Variants in ASPH observed in about 807,000 individuals in gnomAD.
ASPH encodes the protein aspartyl/asparaginyl beta-hydroxylase.
A neutral mutation model predicts 118.4 loss-of-function variants in ASPH; 100 were observed. The observed-to-expected ratio is 0.84, with a 90% confidence interval of 0.72 to 1.00. ASPH has a LOEUF of 1.00. Ranked by LOEUF, ASPH falls within the 50% of genes least tolerant of loss-of-function variation. The probability of loss-of-function intolerance (pLI) is 0.00; values close to 1 mark genes in which losing one functional copy is unlikely to be tolerated. For synonymous variants in ASPH, 315 were observed against 325.6 expected (o/e 0.97, Z 0.35); for missense variants, 920 against 919.5 (o/e 1.00, Z -0.01).
chr8:61,714,383 C>T lies in ASPH; in HGVS notation c.-12G>A. On this transcript the variant is annotated 5_prime_UTR_variant, in exon 1 of 25. Coordinates refer to ENST00000379454, the MANE Select transcript of ASPH (RefSeq NM_004318.4). ...TTACGCTGGGCCATTGCACGGTCCG[C>T]GGGGGCTGGTGAGGGCTGGCGGACC... The T allele has an allele frequency of 6.7e-7, 1 of 1,499,934 alleles. No individual in the cohort carries two copies. Among genetic ancestry groups the T allele is most frequent in the Non-Finnish European group, 8.9e-7 (1 of 1,123,242 alleles). The allele number at this position is 1,499,934 out of a possible 1,614,324, so 92.9% of individuals were successfully genotyped here. A position where few individuals can be genotyped will look rare whatever the true frequency, so the allele number is the denominator to read the frequency against.
Position 61,583,923 on chromosome 8 carries a change from G to A in ASPH, c.1062+21C>T, listed in dbSNP as rs1400300463. On this transcript the variant is annotated intron_variant, in intron 15 of 24. Transcript: ENST00000379454. ...GAGTTTATTTAACAACAAAACCATTGCACAAAAAATATCAACCTACCCTTT... is the reference window on the plus strand; with the variant it reads ...GAGTTTATTTAACAACAAAACCATTACACAAAAAATATCAACCTACCCTTT... 2.7e-6 allele frequency: 4 copies of A among 1,486,944 alleles called. No homozygotes were observed. In the African/African-American group the frequency reaches 5.8e-5, roughly 21 times the overall value. 92.1% of individuals were successfully genotyped at this position (1,486,944 alleles called of 1,614,324 possible). A position where few individuals can be genotyped will look rare whatever the true frequency, so the allele number is the denominator to read the frequency against.
chr8:61,644,937 T>C (rs117534024), intron 6 of ASPH, among the ~76,000 whole-genome samples: 2 of 152,152 alleles, frequency 1.3e-5, no homozygotes, highest in East Asian at 3.9e-4. Flanking sequence ...TCATTTCTAA[T>C]CCACTTCACA....
At chr8:61,675,542 C>T in intron 3 of ASPH, 1 of 980,132 alleles carries the variant, frequency 1.0e-6, no homozygotes, top group Non-Finnish European at 1.2e-6. Flanking sequence ...ATGAACCTAT[C>T]TGACAAACCT....
rs1189218597 is a variant in ASPH, at chr8:61,500,940, T to TA, written c.*2418dup. On this transcript the variant is annotated 3_prime_UTR_variant, in exon 25 of 25. Transcript: ENST00000379454. ...ATTATTACTAATCTTAATTATTTAT[T>TA]ACATCATCTCTTTCTCAATGGATCT... 5 of 152,220 alleles carry TA rather than the reference T, an allele frequency of 3.3e-5. No individual in the cohort carries two copies. The highest frequency in any genetic ancestry group is 7.3e-5 in the Non-Finnish European group (5 of 68,034). The allele number at this position is 152,220 out of a possible 1,614,324, so 9.4% of individuals were successfully genotyped here.
chr8:61,686,874 A>G (rs1230065267), intron 1 of ASPH, among the ~76,000 whole-genome samples: 1 of 152,338 alleles, frequency 6.6e-6, no homozygotes, highest in African/African-American at 2.4e-5. Context: ...ACTGGAAAAC[A>G]GCAAGGCTAA....
intron 3 of ASPH, chr8:61,662,967 A>G: frequency 1.0e-6 from 1 of 985,440 alleles, no homozygotes; most frequent in Non-Finnish European, 1.2e-6. Context: ...AAACTAAGGT[A>G]AAAATTACCA....
At chr8:61,504,963 C>T (rs552420726) in intron 24 of ASPH, among the ~76,000 whole-genome samples, 14 of 152,264 alleles carry the variant, frequency 9.2e-5, no homozygotes, top group African/African-American at 2.2e-4. Context: ...ACCCAGTGTG[C>T]TATCTCATAC....
intron 19 of ASPH, among the ~76,000 whole-genome samples, chr8:61,555,324 C>G (rs993178629): frequency 2.0e-5 from 3 of 151,740 alleles, no homozygotes; most frequent in African/African-American, 7.3e-5. Flanking sequence ...ACTCTGTTGC[C>G]CAGGCTGGTG....
intron 13 of ASPH, among the ~76,000 whole-genome samples, chr8:61,629,018 C>T (rs1216300211): frequency 6.6e-6 from 1 of 152,104 alleles, no homozygotes; most frequent in Admixed American, 6.6e-5. Context: ...TGGTTATAGG[C>T]CTTATTGATC....
At chr8:61,514,894 T>C (rs940536696) in intron 24 of ASPH, among the ~76,000 whole-genome samples, 4 of 151,572 alleles carry the variant, frequency 2.6e-5, no homozygotes, top group Non-Finnish European at 5.9e-5. Flanking sequence ...AGTGATTTTG[T>C]TCCAAGTATC....
chr8:61,681,484 TAA>T (rs1563563892), intron 2 of ASPH, among the ~76,000 whole-genome samples: 2 of 151,604 alleles, frequency 1.3e-5, no homozygotes, highest in East Asian at 3.9e-4. Flanking sequence ...AAGCCTCAAA[TAA>T]AGACCAAATG....
chr8:61,561,130 G>A lies in ASPH; in HGVS notation c.1437+1614C>T, dbSNP rs1174091842. On this transcript the variant is annotated intron_variant, in intron 18 of 24. Coordinates refer to ENST00000379454, the MANE Select transcript of ASPH (RefSeq NM_004318.4). ...AGGGAGGGAGGGAGGGAGGGAGGGA[G>A]GGAGGGAGGAAGGAAGTTAGGAATT... Among the ~76,000 whole-genome samples, 7 of 142,660 alleles carry A rather than the reference G, an allele frequency of 4.9e-5. 1 individual carries two copies. The highest frequency in any genetic ancestry group is 1.1e-4 in the Non-Finnish European group (7 of 65,362). The allele number at this position is 142,660 out of a possible 152,430, so 93.6% of individuals were successfully genotyped here.
At chr8:61,587,223 G>A (rs1006074275) in intron 14 of ASPH, among the ~76,000 whole-genome samples, 4 of 152,180 alleles carry the variant, frequency 2.6e-5, no homozygotes, top group African/African-American at 9.7e-5. Flanking sequence ...CTAAGGCAGA[G>A]ACTGAAAAAA....
intron 15 of ASPH, among the ~76,000 whole-genome samples, chr8:61,577,399 CAA>C (rs775523503): frequency 1.5e-3 from 35 of 23,264 alleles, no homozygotes; most frequent in African/African-American, 5.5e-3. Context: ...CCCAATCTCG[CAA>C]AAAAAAAAAA....
At chr8:61,541,729 A>C (rs1822052817) in intron 21 of ASPH, among the ~76,000 whole-genome samples, 1 of 152,292 alleles carries the variant, frequency 6.6e-6, no homozygotes, top group East Asian at 1.9e-4. Flanking sequence ...CTCAAAGTAC[A>C]ATCACACAGC....
At chr8:61,517,936 A>T (rs1457651375) in intron 23 of ASPH, 96 bp downstream of exon 23, 36 of 1,316,160 alleles carry the variant, frequency 2.7e-5, no homozygotes, top group Non-Finnish European at 3.6e-5. Flanking sequence ...AGAGGCATTC[A>T]TTGGGCCAAA....
At chr8:61,612,398 A>C (rs1233711665) in intron 14 of ASPH, among the ~76,000 whole-genome samples, 1 of 151,380 alleles carries the variant, frequency 6.6e-6, no homozygotes, top group Admixed American at 6.6e-5. Context: ...TTTTGAGCCA[A>C]AGTCTTGCTC....
intron 1 of ASPH, among the ~76,000 whole-genome samples, chr8:61,694,138 C>T (rs1833365905): frequency 6.6e-6 from 1 of 152,184 alleles, no homozygotes. Flanking sequence ...CCTCATACTT[C>T]ACAGAGAAAA....
chr8:61,699,219 G>A (rs1403808812), intron 1 of ASPH, among the ~76,000 whole-genome samples: 1 of 152,228 alleles, frequency 6.6e-6, no homozygotes, highest in Non-Finnish European at 1.5e-5. Context: ...ATAAACAGGT[G>A]ATGCCCTAAC....
Sources: allele counts gnomAD v4.1 joint callset (sites outside exome capture counted in the v4.1 genomes callset), GRCh38; gene constraint gnomAD v4.1.1; transcripts MANE v1.5; gene names NCBI Gene and HGNC (gene_info 2026-07-23, HGNC 2026-07-21).